EHMT1: variants seen among roughly 807,000 people sequenced by gnomAD.
EHMT1 encodes euchromatic histone lysine methyltransferase 1, also known as histone-lysine N-methyltransferase EHMT1.
A neutral mutation model predicts 147.2 loss-of-function variants in EHMT1; 15 were observed. The observed-to-expected ratio is 0.10, with a 90% confidence interval of 0.07 to 0.16. The LOEUF is 0.16. Among genes scored for constraint, EHMT1 ranks in the 10% least tolerant of loss-of-function variants. EHMT1 has a pLI of 1.00. For synonymous variants in EHMT1, 795 were observed against 709.6 expected (o/e 1.12, Z -1.91); for missense variants, 1,587 against 1,772.4 (o/e 0.90, Z 1.88).
At chr9:137,691,817 T>C (rs1007086761) in intron 1 of EHMT1, among the ~76,000 whole-genome samples, 1 of 152,204 alleles carries the variant, frequency 6.6e-6, no homozygotes, top group Non-Finnish European at 1.5e-5. Flanking sequence ...AAGTGGCCTC[T>C]TGTGCTTGGT....
chr9:137,700,664 C>T (rs1943755309), intron 1 of EHMT1, among the ~76,000 whole-genome samples: 1 of 152,176 alleles, frequency 6.6e-6, no homozygotes, highest in African/African-American at 2.4e-5. Flanking sequence ...CCACCCCACC[C>T]TCCCTACCAT....
chr9:137,829,466 C>T (rs898193190), intron 25 of EHMT1, among the ~76,000 whole-genome samples: 1 of 152,232 alleles, frequency 6.6e-6, no homozygotes, highest in Admixed American at 6.5e-5. Flanking sequence ...AAGTTAGTTA[C>T]AAATGTGACA....
intron 23 of EHMT1, chr9:137,816,443 T>TA: frequency 3.5e-5 from 12 of 346,816 alleles, no homozygotes; most frequent in East Asian, 7.6e-5. Flanking sequence ...TTCTCTGTTC[T>TA]CTGGGCTTCC....
In EHMT1 at chr9:137,686,393, A is replaced by G. The variant is rs114916227; in HGVS notation, c.22-24574A>G. ...TGAGGCAGTTTTAAAAATTTTTTTA[A>G]TTTTTTTATTTTTTGAGGCAGGGTC... On this transcript the variant is annotated intron_variant, in intron 1 of 26. Transcript: ENST00000460843. Among the ~76,000 whole-genome samples the G allele has an allele frequency of 6.3e-3, 960 of 151,674 alleles. 5 individuals carry two copies. Among genetic ancestry groups the G allele is most frequent in the African/African-American group, 0.021 (880 of 41,354 alleles).
rs776402186 is a variant in EHMT1 at position 137,717,080 on chromosome 9, G to T, written c.540G>T (p.Gly180=). 3 of 1,611,166 alleles carry T rather than the reference G, an allele frequency of 1.9e-6. No individual in the cohort carries two copies. Among genetic ancestry groups the T allele is most frequent in the South Asian group, 2.2e-5 (2 of 91,052 alleles). The change falls in exon 3 of 27, where the codon GGG becomes GGT. Residue 180 remains glycine (G), a synonymous_variant. Coordinates refer to ENST00000460843, the MANE Select transcript of EHMT1 (RefSeq NM_024757.5). ...QTPAAPPATL[G]EGSADTEDRK... ...CAGCCGCCCCACCAGCCACCCTTGG[G>T]GAGGGGAGTGCTGACACAGAGGACA...
Position 137,819,654 on chromosome 9 carries a change from G to C in EHMT1, c.3540+1516G>C, listed in dbSNP as rs1270779387. ...GTACCGAGACTGTAGAGAGGCTGAGGGGGGGGGCGCCGTGTGCCGAGACTG... is the reference window on the plus strand; with the variant it reads ...GTACCGAGACTGTAGAGAGGCTGAGCGGGGGGGCGCCGTGTGCCGAGACTG... On this transcript the variant is annotated intron_variant, in intron 25 of 26. Coordinates refer to ENST00000460843, the MANE Select transcript of EHMT1 (RefSeq NM_024757.5). Among the ~76,000 whole-genome samples, 3 of 16,072 alleles carry C rather than the reference G, an allele frequency of 1.9e-4. No homozygotes were observed. In the East Asian group the frequency reaches 0.032, roughly 171 times the overall value. 10.5% of individuals were successfully genotyped at this position (16,072 alleles called of 152,430 possible).
intron 25 of EHMT1, chr9:137,820,258 G>C (rs1248180040): frequency 1.3e-5 from 2 of 152,260 alleles, no homozygotes; most frequent in African/African-American, 4.8e-5. Flanking sequence ...CTGTGCAGTG[G>C]GGCTGAGCTC....
At position 137,835,460 on chromosome 9, in the gene EHMT1, T is replaced by C. The variant is rs979328123; in HGVS notation, c.*507T>C. ...GGGCCGCACGGAGGGCACAGTCTCC[T>C]GTCAGGCTCGGAGAGGTCAGGAGAC... On this transcript the variant is annotated 3_prime_UTR_variant, in exon 27 of 27. Transcript: ENST00000460843. 1 of 153,180 alleles carries C rather than the reference T, an allele frequency of 6.5e-6. No individual in the cohort carries two copies. The highest frequency in any genetic ancestry group is 1.9e-4 in the East Asian group (1 of 5,218). The allele number at this position is 153,180 out of a possible 1,614,324, so 9.5% of individuals were successfully genotyped here. A position where few individuals can be genotyped will look rare whatever the true frequency, so the allele number is the denominator to read the frequency against.
rs143155406 is a variant in EHMT1, at chr9:137,716,689, C to G, written c.149C>G (p.Ala50Gly). Reference protein sequence around the residue: ...EKQAGEAHMAADGETNGSCEN... With the variant: ...EKQAGEAHMAGDGETNGSCEN... ...CAGGCAGGAGAGGCCCACATGGCTG[C>G]GGACGGTGAGACCAATGGGTCTTGT... Residue 50 changes from alanine (A) to glycine (G), a missense_variant, in exon 3 of 27, where the codon GCG becomes GGG. Physicochemically the swap from Ala to Gly is moderately conservative, Grantham distance 60. Transcript: ENST00000460843. 34 of 1,605,582 alleles carry G rather than the reference C, an allele frequency of 2.1e-5. No homozygotes were observed. The highest frequency in any genetic ancestry group is 2.7e-5 in the African/African-American group (2 of 74,622).
intron 18 of EHMT1, chr9:137,802,947 C>T (rs1460386759): frequency 5.5e-5 from 68 of 1,232,510 alleles, no homozygotes; most frequent in East Asian, 9.5e-5. Flanking sequence ...AAGGCTGTGG[C>T]GGGTACCTTG....
intron 6 of EHMT1, among the ~76,000 whole-genome samples, chr9:137,751,356 G>A (rs1948952920): frequency 6.6e-6 from 1 of 152,192 alleles, no homozygotes; most frequent in Non-Finnish European, 1.5e-5. Flanking sequence ...GGGTCTCGCT[G>A]TGTTGCCCAG....
chr9:137,740,018 A>T (rs1167536068), intron 4 of EHMT1, among the ~76,000 whole-genome samples: 4 of 152,190 alleles, frequency 2.6e-5, no homozygotes, highest in Non-Finnish European at 5.9e-5. Context: ...GGTGGTGACC[A>T]CGCAGACTGC....
At chr9:137,751,518 A>G (rs1046091061) in intron 6 of EHMT1, among the ~76,000 whole-genome samples, 1 of 152,126 alleles carries the variant, frequency 6.6e-6, no homozygotes, top group African/African-American at 2.4e-5. Context: ...AGAATAGTGG[A>G]ATAGCGCAGC....
intron 8 of EHMT1, among the ~76,000 whole-genome samples, chr9:137,754,809 G>T (rs1259822111): frequency 6.6e-6 from 1 of 152,182 alleles, no homozygotes; most frequent in Admixed American, 6.5e-5. Context: ...GAGCCACTGC[G>T]CCCGGCCCCA....
At chr9:137,750,261 C>A (rs1564689024) in intron 6 of EHMT1, among the ~76,000 whole-genome samples, 1 of 109,704 alleles carries the variant, frequency 9.1e-6, no homozygotes, top group Admixed American at 9.2e-5. Context: ...TAAAGATTTT[C>A]TCTAGAAAAT....
chr9:137,834,559 G>C (rs1956467027), intron 26 of EHMT1, 35 bp downstream of exon 26: 7 of 1,607,444 alleles, frequency 4.4e-6, no homozygotes, highest in African/African-American at 1.3e-5. Flanking sequence ...CATCTCCGCT[G>C]CCGGCGGGAC....
At chr9:137,801,172 C>T (rs1953451361) in intron 18 of EHMT1, among the ~76,000 whole-genome samples, 188 bp downstream of exon 18, 1 of 152,162 alleles carries the variant, frequency 6.6e-6, no homozygotes. Context: ...GATGTGAGGT[C>T]CCAGCAGAGG....
intron 6 of EHMT1, chr9:137,745,773 T>C (rs1948495786): frequency 2.6e-6 from 1 of 379,746 alleles, no homozygotes; most frequent in African/African-American, 2.1e-5. Flanking sequence ...TCATAAGTGC[T>C]GTCTGCATTT....
chr9:137,808,679 GGGGGGCGCGTGGTGGC>G (rs1954157914), intron 18 of EHMT1, among the ~76,000 whole-genome samples: 1 of 132,664 alleles, frequency 7.5e-6, no homozygotes, highest in African/African-American at 2.8e-5. Context: ...CGGGGGGTGG[GGGGGGCGCGTGGTGGC>G]AGATCACTTG....
Sources: allele counts gnomAD v4.1 joint callset (sites outside exome capture counted in the v4.1 genomes callset), GRCh38; gene constraint gnomAD v4.1.1; transcripts MANE v1.5; gene names NCBI Gene and HGNC (gene_info 2026-07-23, HGNC 2026-07-21).